LHPP: variants seen among roughly 807,000 people sequenced by gnomAD.
LHPP encodes the protein hLHPP.
A neutral mutation model predicts 30.3 loss-of-function variants in LHPP; 24 were observed. That is an observed-to-expected ratio of 0.79 (90% CI 0.57 to 1.11). The LOEUF (loss-of-function observed/expected upper bound fraction) is 1.11, where lower values mean the gene tolerates loss of function less well. Ranked by LOEUF, LHPP falls within the 50% of genes most tolerant of loss-of-function variation. LHPP has a pLI of 0.00. For synonymous variants in LHPP, 150 were observed against 157.1 expected (o/e 0.95, Z 0.34); for missense variants, 356 against 367.2 (o/e 0.97, Z 0.25).
At chr10:124,498,445 G>T in intron 5 of LHPP, 3 of 1,505,200 alleles carry the variant, frequency 2.0e-6, no homozygotes, top group South Asian at 1.3e-5. Context: ...TATCTCACTG[G>T]CAAGACAGTG....
intron 5 of LHPP, among the ~76,000 whole-genome samples, chr10:124,507,106 GTGCA>G (rs1954130897): frequency 1.5e-5 from 1 of 65,838 alleles, no homozygotes. Flanking sequence ...AGGATTTCAG[GTGCA>G]GGGGTAGACA....
intron 6 of LHPP, among the ~76,000 whole-genome samples, chr10:124,546,705 C>T (rs544785537): frequency 2.5e-4 from 38 of 152,242 alleles, no homozygotes; most frequent in African/African-American, 8.9e-4. Context: ...CCACCGCGCC[C>T]GCCTCATGCG....
chr10:124,523,515 C>T lies in LHPP; in HGVS notation c.716+6244C>T, dbSNP rs1954660796. 6.6e-6 allele frequency among the ~76,000 whole-genome samples: 1 copy of T among 152,236 alleles called. No homozygotes were observed. Among genetic ancestry groups the T allele is most frequent in the African/African-American group, 2.4e-5 (1 of 41,464 alleles). On this transcript the variant is annotated intron_variant, in intron 6 of 6. Coordinates refer to ENST00000368842, the MANE Select transcript of LHPP (RefSeq NM_022126.4). The surrounding 1 kb of genome is among the most constrained non-coding windows in gnomAD (Gnocchi z 4.2). ...CGCAGTGACGGATTTCAGAGTGTTT[C>T]CTGTTACGAGAAGGCTGTGGATTCG...
At chr10:124,573,181 A>G (rs773251153) in intron 6 of LHPP, among the ~76,000 whole-genome samples, 12 of 152,238 alleles carry the variant, frequency 7.9e-5, no homozygotes, top group Non-Finnish European at 1.5e-4. Flanking sequence ...TATGTACAGA[A>G]AAGTTATGGA....
intron 2 of LHPP, among the ~76,000 whole-genome samples, chr10:124,486,001 G>A (rs907173115): frequency 1.3e-5 from 2 of 151,890 alleles, no homozygotes; most frequent in Admixed American, 1.3e-4. Flanking sequence ...GTCTATCCAT[G>A]TTATTATTTA....
chr10:124,507,038 GGGGGTAGGGAGGATTT>G (rs1564797397), intron 5 of LHPP, among the ~76,000 whole-genome samples: 1,527 of 25,474 alleles, frequency 0.06, 521 homozygotes, highest in African/African-American at 0.068. Flanking sequence ...TTCAGGTGAG[GGGGGTAGGGAGGATTT>G]CAGGTGTAGG....
At chr10:124,558,651 AC>A (rs1292040659) in intron 6 of LHPP, among the ~76,000 whole-genome samples, 1 of 151,494 alleles carries the variant, frequency 6.6e-6, no homozygotes, top group African/African-American at 2.4e-5. Flanking sequence ...ATGCTACCCA[AC>A]CCCCCATGGC....
intron 5 of LHPP, among the ~76,000 whole-genome samples, chr10:124,515,748 G>A (rs536675498): frequency 1.8e-4 from 27 of 152,342 alleles, no homozygotes; most frequent in South Asian, 1.0e-3. Flanking sequence ...TTCTGAGATC[G>A]CACTCAATGC....
chr10:124,467,213 G>T (rs1366524433), intron 1 of LHPP, among the ~76,000 whole-genome samples: 3 of 152,140 alleles, frequency 2.0e-5, no homozygotes, highest in Admixed American at 1.3e-4. Context: ...CAGGAGGTGG[G>T]GGGGCTTGGA....
chr10:124,462,002 G>T lies in LHPP; in HGVS notation c.125+15G>T. The T allele has an allele frequency of 8.3e-7, 1 of 1,207,522 alleles. No individual in the cohort carries two copies. 74.8% of individuals were successfully genotyped at this position (1,207,522 alleles called of 1,614,324 possible). A position where few individuals can be genotyped will look rare whatever the true frequency, so the allele number is the denominator to read the frequency against. On this transcript the variant is annotated intron_variant, in intron 1 of 6. Transcript: ENST00000368842. ...GCGGTGGCCAGGTGAGTGGGCCCCG[G>T]GACGCCGCTGGGGCCGCCGAGCTCT...
rs532582490 is a variant in LHPP, at chr10:124,577,905, A to G, written c.717-35359A>G. 8.6e-5 allele frequency among the ~76,000 whole-genome samples: 13 copies of G among 152,036 alleles called. No homozygotes were observed. In the East Asian group the frequency reaches 2.5e-3, roughly 30 times the overall value. ...CCCAGGCTCTGAGCTACCTGAGGTG[A>G]GGTGGGGCCACACTGGTCCCCACCT... On this transcript the variant is annotated intron_variant, in intron 6 of 6. Coordinates refer to ENST00000368842, the MANE Select transcript of LHPP (RefSeq NM_022126.4).
At chr10:124,538,966 G>A (rs192437405) in intron 6 of LHPP, among the ~76,000 whole-genome samples, 150 of 152,322 alleles carry the variant, frequency 9.8e-4, no homozygotes, top group African/African-American at 3.4e-3. Context: ...AAATATTGGA[G>A]GAGTTGAATT....
chr10:124,584,314 A>G (rs34737775), intron 6 of LHPP, among the ~76,000 whole-genome samples: 27,048 of 150,590 alleles, frequency 0.18, 2,584 homozygotes, highest in Non-Finnish European at 0.2. Flanking sequence ...GCAGTGAACC[A>G]TGATCCACTA....
Position 124,602,855 on chromosome 10 carries a change from C to T in LHPP, c.717-10409C>T, listed in dbSNP as rs539081612. On this transcript the variant is annotated intron_variant, in intron 6 of 6. Coordinates refer to ENST00000368842, the MANE Select transcript of LHPP (RefSeq NM_022126.4). ...GGATCCAAGGCCGAGGGGCAGGAGA[C>T]GCAGTGCGCCCCTCTCCTATTTCTG... 1.1e-4 allele frequency among the ~76,000 whole-genome samples: 17 copies of T among 152,358 alleles called. No homozygotes were observed. The South Asian group carries it at 1.4e-3, about 13-fold the overall frequency.
chr10:124,573,858 G>A (rs375242990), intron 6 of LHPP, among the ~76,000 whole-genome samples: 3 of 152,044 alleles, frequency 2.0e-5, no homozygotes, highest in Non-Finnish European at 2.9e-5. Context: ...CGGGGGCTGT[G>A]GGGGGATGCA....
intron 6 of LHPP, among the ~76,000 whole-genome samples, chr10:124,610,148 C>T (rs1949151377): frequency 6.6e-6 from 1 of 152,214 alleles, no homozygotes; most frequent in African/African-American, 2.4e-5. Flanking sequence ...TGCCAAGTCC[C>T]TATTTCAGCA....
At chr10:124,585,909 G>A (rs953039143) in intron 6 of LHPP, among the ~76,000 whole-genome samples, 4 of 151,976 alleles carry the variant, frequency 2.6e-5, no homozygotes, top group Non-Finnish European at 4.4e-5. Flanking sequence ...CTCAGCCTCC[G>A]GAGTAGCTGG....
chr10:124,467,869 T>A (rs114857347), intron 1 of LHPP, among the ~76,000 whole-genome samples: 1 of 151,948 alleles, frequency 6.6e-6, no homozygotes, highest in Non-Finnish European at 1.5e-5. Flanking sequence ...CCACCATGCC[T>A]GGTTAATCAT....
intron 1 of LHPP, among the ~76,000 whole-genome samples, chr10:124,473,134 G>T (rs532018896): frequency 2.4e-4 from 37 of 152,300 alleles, no homozygotes; most frequent in South Asian, 2.3e-3. Context: ...TGCAGGTGCT[G>T]CCTCTGGTTG....
Sources: gnomAD v4.1 joint callset for allele counts (sites outside exome capture counted in the v4.1 genomes callset) on GRCh38, gnomAD v4.1.1 for gene constraint, Gnocchi (gnomAD v3.1) non-coding constraint, MANE v1.5 for transcripts, NCBI Gene and HGNC (gene_info 2026-07-23, HGNC 2026-07-21) for gene names.